The following IGF2BP2 variants were observed in gnomAD, a reference collection of about 807,000 sequenced individuals.
IGF2BP2 encodes the protein insulin like growth factor 2 mRNA binding protein 2, also known as insulin-like growth factor 2 mRNA-binding protein 2.
IGF2BP2 carries 17 observed loss-of-function variants against 75.8 expected under a neutral mutation model. That is an observed-to-expected ratio of 0.22 (90% CI 0.15 to 0.34). The LOEUF (loss-of-function observed/expected upper bound fraction) is 0.34. IGF2BP2 is among the 10% of genes least tolerant of loss of function. IGF2BP2 has a pLI of 1.00. For synonymous variants in IGF2BP2, 288 were observed against 295.6 expected (o/e 0.97, Z 0.26); for missense variants, 516 against 772.4 (o/e 0.67, Z 3.93).
intron 12 of IGF2BP2, among the ~76,000 whole-genome samples, chr3:185,654,818 C>CT (rs1224440672): frequency 1.3e-5 from 2 of 152,204 alleles, no homozygotes; most frequent in African/African-American, 2.4e-5. Flanking sequence ...CATCTGGAAG[C>CT]CTGTTCTACA....
At chr3:185,760,881 A>C (rs1732269357) in intron 2 of IGF2BP2, among the ~76,000 whole-genome samples, 1 of 152,004 alleles carries the variant, frequency 6.6e-6, no homozygotes. Context: ...TATCACATAC[A>C]TTTCTCTCAC....
chr3:185,712,136 A>T (rs1724891999), intron 2 of IGF2BP2, among the ~76,000 whole-genome samples: 1 of 152,244 alleles, frequency 6.6e-6, no homozygotes, highest in Non-Finnish European at 1.5e-5. Context: ...GACCTAGTTC[A>T]GGATGGTTTC....
At chr3:185,814,878 C>A (rs1389406553) in intron 2 of IGF2BP2, among the ~76,000 whole-genome samples, 1 of 152,074 alleles carries the variant, frequency 6.6e-6, no homozygotes, top group Non-Finnish European at 1.5e-5. Context: ...TTAAAATGTT[C>A]TGTTAATAAG....
chr3:185,650,057 C>T (rs1348849273), intron 13 of IGF2BP2, among the ~76,000 whole-genome samples: 2 of 150,076 alleles, frequency 1.3e-5, no homozygotes, highest in Non-Finnish European at 3.0e-5. Context: ...GGTTGGAGTG[C>T]AGTGGCACGA....
chr3:185,648,463 C>CAA (rs560603469), intron 14 of IGF2BP2, among the ~76,000 whole-genome samples: 12 of 51,198 alleles, frequency 2.3e-4, no homozygotes, highest in African/African-American at 6.5e-4. Flanking sequence ...AACTCTGTCT[C>CAA]AAAAAAAAAA....
At chr3:185,668,494 G>GATAT (rs1560258280) in intron 10 of IGF2BP2, among the ~76,000 whole-genome samples, 7 of 121,584 alleles carry the variant, frequency 5.8e-5, no homozygotes, top group African/African-American at 2.0e-4. Context: ...GTTCGAGAGA[G>GATAT]AGAGAGAGAG....
intron 10 of IGF2BP2, among the ~76,000 whole-genome samples, chr3:185,671,535 CAA>C (rs397706922): frequency 2.9e-4 from 26 of 88,744 alleles, no homozygotes; most frequent in African/African-American, 4.8e-4. Context: ...GACTCCATCT[CAA>C]AAAAAAAAAA....
chr3:185,677,068 T>TATATATATAGAGAGAGAGAGAGAGAG, intron 7 of IGF2BP2, among the ~76,000 whole-genome samples: 11 of 35,854 alleles, frequency 3.1e-4, no homozygotes, highest in African/African-American at 3.1e-4. Flanking sequence ...TATATATATA[T>TATATATATAGAGAGAGAGAGAGAGAG]AGAGAGAGAG....
At chr3:185,787,380 C>G (rs1042030747) in intron 2 of IGF2BP2, among the ~76,000 whole-genome samples, 5 of 151,900 alleles carry the variant, frequency 3.3e-5, no homozygotes, top group Non-Finnish European at 7.4e-5. Context: ...TTGTTCAATA[C>G]CCACTAAAAA....
intron 2 of IGF2BP2, among the ~76,000 whole-genome samples, chr3:185,772,914 C>T (rs1734075022): frequency 6.6e-6 from 1 of 152,130 alleles, no homozygotes; most frequent in Non-Finnish European, 1.5e-5. Context: ...TAAATGTCTG[C>T]TCTCAATAAT....
intron 2 of IGF2BP2, among the ~76,000 whole-genome samples, chr3:185,809,802 T>C (rs895220205): frequency 8.5e-5 from 13 of 152,216 alleles, no homozygotes; most frequent in African/African-American, 2.7e-4. Context: ...TAAATTTTTA[T>C]TGATATTACA....
At chr3:185,712,737 A>C (rs971687571) in intron 2 of IGF2BP2, 1 of 152,170 alleles carries the variant, frequency 6.6e-6, no homozygotes, top group Non-Finnish European at 1.5e-5. Flanking sequence ...GAAAAAAAAA[A>C]ACAATAATCT....
At chr3:185,745,348 T>C (rs559572110) in intron 2 of IGF2BP2, among the ~76,000 whole-genome samples, 38 of 152,252 alleles carry the variant, frequency 2.5e-4, no homozygotes, top group African/African-American at 8.7e-4. Context: ...TGGGCCCAAA[T>C]AGTTACTTGG....
At chr3:185,813,813 C>G (rs570948905) in intron 2 of IGF2BP2, among the ~76,000 whole-genome samples, 1 of 152,302 alleles carries the variant, frequency 6.6e-6, no homozygotes, top group South Asian at 2.1e-4. Flanking sequence ...AACCAGGGGG[C>G]AATGGGGCTG....
At chr3:185,666,959 T>G (rs1717736768) in intron 10 of IGF2BP2, among the ~76,000 whole-genome samples, 1 of 152,188 alleles carries the variant, frequency 6.6e-6, no homozygotes, top group Admixed American at 6.5e-5. Context: ...CCAAGCATAG[T>G]AAAAGTTGGC....
intron 2 of IGF2BP2, among the ~76,000 whole-genome samples, chr3:185,808,043 G>T (rs1005937324): frequency 2.0e-5 from 3 of 151,780 alleles, no homozygotes; most frequent in Admixed American, 1.3e-4. Flanking sequence ...TATTCAGAAG[G>T]CTGAGGTAGG....
intron 2 of IGF2BP2, among the ~76,000 whole-genome samples, chr3:185,813,388 T>C (rs1740168326): frequency 6.6e-6 from 1 of 152,196 alleles, no homozygotes; most frequent in African/African-American, 2.4e-5. Flanking sequence ...TCATCATCTT[T>C]AGTGGTGGCA....
At chr3:185,662,079 C>T (rs938352791) in intron 10 of IGF2BP2, among the ~76,000 whole-genome samples, 21 of 152,098 alleles carry the variant, frequency 1.4e-4, no homozygotes, top group Non-Finnish European at 2.5e-4. Flanking sequence ...GCAGGACAGA[C>T]GCCCTTGACG....
chr3:185,698,318 G>C lies in IGF2BP2; in HGVS notation c.269C>G (p.Pro90Arg). ...RSRKIQIRNIPPHLQWEVLDG... is the reference protein window; with the variant it reads ...RSRKIQIRNIRPHLQWEVLDG... ...GCTTACCTCCCACTGCAGGTGAGGA[G>C]GGATGTTTCGAATCTGAATTTTCCT... The change falls in exon 3 of 16, where the codon CCT becomes CGT. Residue 90 changes from proline to arginine, a missense_variant. By Grantham distance (103) the Pro-to-Arg change is moderately radical (BLOSUM62 -2). Around this residue, in one of 3 missense-constraint regions of IGF2BP2, gnomAD observed 312 missense variants for 474.5 expected, o/e 0.66. Transcript: ENST00000382199. The C allele has an allele frequency of 6.2e-7, 1 of 1,614,002 alleles. No homozygotes were observed. Among genetic ancestry groups the C allele is most frequent in the Non-Finnish European group, 8.5e-7 (1 of 1,179,924 alleles).
Sources: gnomAD v4.1 joint callset for allele counts (sites outside exome capture counted in the v4.1 genomes callset) on GRCh38, gnomAD v4.1.1 for gene constraint, gnomAD v4.1.1 regional missense constraint, MANE v1.5 for transcripts, NCBI Gene and HGNC (gene_info 2026-07-23, HGNC 2026-07-21) for gene names.